TRARG1: variants seen among roughly 807,000 people sequenced by gnomAD.
The protein encoded by TRARG1 is trafficking regulator of GLUT4 1.
TRARG1 carries 16 observed loss-of-function variants against 13.3 expected under a neutral mutation model. The observed-to-expected ratio is 1.20, with a 90% CI of 0.81 to 1.83. The LOEUF is 1.83. Ranked by LOEUF, TRARG1 falls within the 40% of genes most tolerant of loss-of-function variation. The pLI is 0.00. For synonymous variants in TRARG1, 113 were observed against 106.2 expected, an observed-to-expected ratio of 1.06 and a Z score of -0.39; for missense variants, 250 against 237.4, an observed-to-expected ratio of 1.05 and a Z score of -0.35.
intron 1 of TRARG1, among the ~76,000 whole-genome samples, chr17:1,285,979 G>A (rs1219076199): frequency 2.0e-5 from 3 of 152,194 alleles, no homozygotes; most frequent in Non-Finnish European, 2.9e-5. Flanking sequence ...AGCATCCACT[G>A]CCTTGGCCAC....
rs562457305 is a variant in TRARG1, at chr17:1,297,165, A to G, written c.521-1086A>G. ...CTGTGCTCCCTGGACCTGTGACGGG[A>G]TTATCGAGGAATGTGTCAGAAACGC... On this transcript the variant is annotated intron_variant, in intron 2 of 2. Transcript: ENST00000333813. 3.9e-5 allele frequency among the ~76,000 whole-genome samples: 6 copies of G among 152,180 alleles called. No individual in the cohort carries two copies. In the South Asian group the frequency reaches 1.2e-3, roughly 32 times the overall value.
At chr17:1,289,477 C>T (rs937437561) in intron 1 of TRARG1, among the ~76,000 whole-genome samples, 4 of 144,860 alleles carry the variant, frequency 2.8e-5, no homozygotes, top group Non-Finnish European at 6.1e-5. Context: ...AACCTCCTGC[C>T]AAGGGTAAGC....
chr17:1,297,158 T>C (rs16944512), intron 2 of TRARG1, among the ~76,000 whole-genome samples: 44,510 of 151,968 alleles, frequency 0.29, 7,065 homozygotes, highest in South Asian at 0.44. Flanking sequence ...CCTGGACCTG[T>C]GACGGGATTA....
At chr17:1,297,591 ACTT>A (rs1452298578) in intron 2 of TRARG1, among the ~76,000 whole-genome samples, 2 of 101,910 alleles carry the variant, frequency 2.0e-5, no homozygotes, top group Non-Finnish European at 4.0e-5. Context: ...TTTAGCCAGG[ACTT>A]TTTTTTTTTT....
intron 1 of TRARG1, among the ~76,000 whole-genome samples, chr17:1,291,445 TTC>T (rs2072068724): frequency 6.6e-6 from 1 of 152,340 alleles, no homozygotes; most frequent in Admixed American, 6.5e-5. Flanking sequence ...CCCCGTTTTG[TTC>T]GGCACTTTTC....
At chr17:1,294,076 A>G (rs2072093704) in intron 1 of TRARG1, among the ~76,000 whole-genome samples, 1 of 152,186 alleles carries the variant, frequency 6.6e-6, no homozygotes, top group Admixed American at 6.5e-5. Flanking sequence ...TCAAATAATC[A>G]GAAAATAAAG....
intron 1 of TRARG1, among the ~76,000 whole-genome samples, chr17:1,295,220 C>T (rs774590300): frequency 1.3e-5 from 2 of 152,230 alleles, no homozygotes; most frequent in Non-Finnish European, 2.9e-5. Context: ...CCTCCTCCAC[C>T]GCCCTGAGAA....
rs760691629 is a variant in TRARG1, at chr17:1,280,239, C to T, written c.238C>T (p.Arg80Trp). 5.6e-6 allele frequency: 9 copies of T among 1,613,942 alleles called. No individual in the cohort carries two copies. The highest frequency in any genetic ancestry group is 5.0e-5 in the Admixed American group (3 of 59,998). Reference sequence around the variant, plus strand: ...GGCCCCACTGCCTCGGTCCCCCTCCCGGGCCAGCTCAAGGAGGGCGTCCTC... The same window carrying T: ...GGCCCCACTGCCTCGGTCCCCCTCCTGGGCCAGCTCAAGGAGGGCGTCCTC... ...LEAPLPRSPS[R>W]ASSRRASSIA... Residue 80 changes from arginine to tryptophan, a missense_variant, in exon 1 of 3, where the codon CGG (arginine) becomes TGG (tryptophan). Transcript: ENST00000333813.
At chr17:1,281,325 G>T (rs117847285) in intron 1 of TRARG1, among the ~76,000 whole-genome samples, 16 of 152,138 alleles carry the variant, frequency 1.1e-4, no homozygotes, top group African/African-American at 3.6e-4. Context: ...AGGGGCAGGG[G>T]GTAGAAAACT....
At position 1,289,543 on chromosome 17, in the gene TRARG1, C is replaced by T. The variant is rs73285341; in HGVS notation, c.388-5948C>T. 6.0e-5 allele frequency among the ~76,000 whole-genome samples: 9 copies of T among 150,780 alleles called. No homozygotes were observed. The South Asian group carries it at 1.3e-3, about 21-fold the overall frequency. On this transcript the variant is annotated intron_variant, in intron 1 of 2. Coordinates refer to ENST00000333813, the MANE Select transcript of TRARG1 (RefSeq NM_172367.3). ...CATCCTTATCTTGCTTGACCTATGC[C>T]GGACACGGCACTGTCAGCCACTCCC...
chr17:1,287,523 G>C (rs1303431676), intron 1 of TRARG1, among the ~76,000 whole-genome samples: 3 of 151,836 alleles, frequency 2.0e-5, no homozygotes, highest in Admixed American at 1.3e-4. Context: ...ACCACGCCTG[G>C]CTAATTTTTT....
chr17:1,291,134 G>C (rs2072066193), intron 1 of TRARG1, among the ~76,000 whole-genome samples: 1 of 152,012 alleles, frequency 6.6e-6, no homozygotes. Context: ...TCGAACTCCT[G>C]ACCTCAGGTA....
In TRARG1 at chr17:1,280,048, G is replaced by C. The variant is rs770104149; in HGVS notation, c.47G>C (p.Gly16Ala). ...GAGTTTCCTTCAGCACAGGAGCCAG[G>C]CTCCGCCGCATTCCTGGACCTGCCG... The part of the protein sequence containing the change: ...QSEFPSAQEP[G>A]SAAFLDLPEM... Residue 16 changes from glycine (G) to alanine (A), a missense_variant, in exon 1 of 3, where the codon GGC becomes GCC. Physicochemically the swap from Gly to Ala is moderately conservative, Grantham distance 60 (BLOSUM62 0). Transcript: ENST00000333813. The C allele has an allele frequency of 6.2e-7, 1 of 1,613,372 alleles. No individual in the cohort carries two copies. Among genetic ancestry groups the C allele is most frequent in the Non-Finnish European group, 8.5e-7 (1 of 1,180,012 alleles).
rs1269103889 is a variant in TRARG1, at chr17:1,282,314, A to ACG, written c.387+1926_387+1927insCG. ...TATGTACGTATATGTACATATGCGT[A>ACG]TATATGTACATATATGTACGTATAT... is the stretch of plus-strand genomic sequence containing the variant. On this transcript the variant is annotated intron_variant, in intron 1 of 2. Transcript: ENST00000333813. 1.1e-3 allele frequency among the ~76,000 whole-genome samples: 133 copies of ACG among 115,800 alleles called. 2 individuals carry two copies. The highest frequency in any genetic ancestry group is 2.3e-3 in the Non-Finnish European group (115 of 49,230). 76.0% of individuals were successfully genotyped at this position (115,800 alleles called of 152,430 possible). A position where few individuals can be genotyped will look rare whatever the true frequency, so the allele number is the denominator to read the frequency against.
intron 1 of TRARG1, among the ~76,000 whole-genome samples, chr17:1,281,710 C>A (rs1383528433): frequency 6.6e-6 from 1 of 152,092 alleles, no homozygotes; most frequent in Non-Finnish European, 1.5e-5. Flanking sequence ...TGGCTGTGGG[C>A]AGGGCCTGCC....
At chr17:1,294,356 G>C (rs887317592) in intron 1 of TRARG1, among the ~76,000 whole-genome samples, 9 of 152,048 alleles carry the variant, frequency 5.9e-5, no homozygotes, top group African/African-American at 2.2e-4. Context: ...CCCAGTCCTG[G>C]TCTCCCCAGG....
chr17:1,290,079 C>G (rs908659257), intron 1 of TRARG1, among the ~76,000 whole-genome samples: 2 of 152,228 alleles, frequency 1.3e-5, no homozygotes, highest in African/African-American at 4.8e-5. Flanking sequence ...CCCATGGATT[C>G]TATCTTCAGA....
At chr17:1,284,621 G>C (rs1413464353) in intron 1 of TRARG1, among the ~76,000 whole-genome samples, 1 of 152,212 alleles carries the variant, frequency 6.6e-6, no homozygotes, top group Non-Finnish European at 1.5e-5. Context: ...TGCTTGTGTT[G>C]AGGGAACTAA....
Position 1,280,183 on chromosome 17 carries a change from C to T in TRARG1, c.182C>T (p.Pro61Leu). The change falls in exon 1 of 3, where the codon CCC becomes CTC. Residue 61 changes from proline to leucine, a missense_variant. By Grantham distance (98) the Pro-to-Leu change is moderately conservative. Transcript: ENST00000333813. Reference protein sequence around the residue: ...LDLEQNSQGLPFKAISEGHLE... With the variant: ...LDLEQNSQGLLFKAISEGHLE... ...CTGGAGCAGAACAGCCAGGGCCTAC[C>T]CTTCAAGGCCATCTCCGAGGGGCAC... 1 of 1,614,050 alleles carries T rather than the reference C, an allele frequency of 6.2e-7. No homozygotes were observed. Among genetic ancestry groups the T allele is most frequent in the South Asian group, 1.1e-5 (1 of 91,058 alleles).
Sources: gnomAD v4.1 joint callset for allele counts (sites outside exome capture counted in the v4.1 genomes callset) on GRCh38, gnomAD v4.1.1 for gene constraint, MANE v1.5 for transcripts, NCBI Gene and HGNC (gene_info 2026-07-23, HGNC 2026-07-21) for gene names.